Variants in KIF5C observed in about 807,000 individuals in gnomAD.
The protein encoded by KIF5C is kinesin heavy chain isoform 5C.
A neutral mutation model predicts 125.2 loss-of-function variants in KIF5C; 18 were observed. The observed-to-expected ratio is 0.14, with a 90% CI of 0.10 to 0.21. The LOEUF (loss-of-function observed/expected upper bound fraction) is 0.21, where lower values mean the gene tolerates loss of function less well. Among genes scored for constraint, KIF5C ranks in the 10% least tolerant of loss-of-function variants. KIF5C has a pLI of 1.00. For missense variants in KIF5C, 780 were observed against 1,183.8 expected, an observed-to-expected ratio of 0.66 and a Z score of 5.01; for synonymous variants, 405 against 434.0, an observed-to-expected ratio of 0.93 and a Z score of 0.83.
chr2:148,902,309 C>T (rs568551488), intron 1 of KIF5C, among the ~76,000 whole-genome samples: 33 of 151,834 alleles, frequency 2.2e-4, no homozygotes, highest in Non-Finnish European at 3.7e-4. Context: ...ACAGCTTCTT[C>T]GTGCCAGAAA....
At position 148,998,700 on chromosome 2, in the gene KIF5C, G is replaced by A. The variant is rs960303001; in HGVS notation, c.2210+191G>A. ...CCGATCTGGAGCTGAGCCTCCTGGA[G>A]CCCTGGCATGGCAGGTGGCAGGCGG... On this transcript the variant is annotated intron_variant, in intron 19 of 25. Coordinates refer to ENST00000435030, the MANE Select transcript of KIF5C (RefSeq NM_004522.3). The A allele has an allele frequency of 7.6e-5, 73 of 954,852 alleles. No homozygotes were observed. The South Asian group carries it at 8.1e-4, about 11-fold the overall frequency. The allele number at this position is 954,852 out of a possible 1,614,324, so 59.1% of individuals were successfully genotyped here. A position where few individuals can be genotyped will look rare whatever the true frequency, so the allele number is the denominator to read the frequency against.
At position 148,983,664 on chromosome 2, in the gene KIF5C, G is replaced by C. The variant is rs536220608; in HGVS notation, c.1614G>C (p.Glu538Asp). Residue 538 changes from glutamate (E) to aspartate (D), a missense_variant, in exon 15 of 26, where the codon GAG becomes GAC. Coordinates refer to ENST00000435030, the MANE Select transcript of KIF5C (RefSeq NM_004522.3). The stretch of plus-strand genomic sequence containing the variant: ...AGAGAGAGCTGAGCCAGCTACAAGA[G>C]CTTAGCAACCACCAGAAGAAAAGGG... The part of the protein sequence containing the change: ...TTQRELSQLQ[E>D]LSNHQKKRAT... 1.6e-5 allele frequency: 25 copies of C among 1,609,260 alleles called. 1 individual carries two copies. The South Asian group carries it at 2.4e-4, about 16-fold the overall frequency.
intron 1 of KIF5C, 77 bp from the exon 2 acceptor site, chr2:148,922,060 A>C (rs1574747069): frequency 2.1e-6 from 2 of 942,600 alleles, no homozygotes; most frequent in South Asian, 1.6e-5. Context: ...CCTAGCTACT[A>C]ATGTTTGCGA....
chr2:148,960,204 G>A (rs918163704), intron 10 of KIF5C, among the ~76,000 whole-genome samples: 1 of 152,196 alleles, frequency 6.6e-6, no homozygotes, highest in African/African-American at 2.4e-5. Context: ...CACAAAATAT[G>A]CCTCTGGCTA....
intron 11 of KIF5C, among the ~76,000 whole-genome samples, chr2:148,968,767 GA>G (rs1438897870): frequency 2.1e-5 from 3 of 143,830 alleles, no homozygotes; most frequent in African/African-American, 8.6e-5. Flanking sequence ...ATAAAAGAAT[GA>G]TTTTTTTTTT....
intron 11 of KIF5C, among the ~76,000 whole-genome samples, chr2:148,965,361 T>C (rs1683025065): frequency 6.6e-6 from 1 of 152,044 alleles, no homozygotes; most frequent in South Asian, 2.1e-4. Context: ...AGCAACCCCA[T>C]TGCCACGTCA....
chr2:148,925,374 C>A (rs888874961), intron 2 of KIF5C, among the ~76,000 whole-genome samples: 5 of 152,070 alleles, frequency 3.3e-5, no homozygotes, highest in Non-Finnish European at 5.9e-5. Context: ...ATTATCAGAT[C>A]TGTTTTGTTA....
chr2:148,959,354 CT>C (rs925223165), intron 10 of KIF5C, among the ~76,000 whole-genome samples: 2 of 149,066 alleles, frequency 1.3e-5, no homozygotes, highest in South Asian at 2.1e-4. Flanking sequence ...CCTTGCTATT[CT>C]TTTTTTTTTC....
intron 2 of KIF5C, among the ~76,000 whole-genome samples, chr2:148,926,088 C>T (rs926090648): frequency 6.6e-6 from 1 of 152,210 alleles, no homozygotes; most frequent in African/African-American, 2.4e-5. Context: ...CCCATGCCTC[C>T]GTAGGACTAC....
chr2:148,998,356 G>A, intron 18 of KIF5C, 44 bp from the exon 19 acceptor site: 1 of 1,551,724 alleles, frequency 6.4e-7, no homozygotes, highest in Non-Finnish European at 8.7e-7. Flanking sequence ...AGTGGGCTGA[G>A]TGCCAACGAG....
chr2:148,900,024 C>T (rs1288401319), intron 1 of KIF5C, among the ~76,000 whole-genome samples: 1 of 152,178 alleles, frequency 6.6e-6, no homozygotes, highest in Non-Finnish European at 1.5e-5. Flanking sequence ...TGGTAGCTGC[C>T]CCAGAGTCGG....
intron 1 of KIF5C, among the ~76,000 whole-genome samples, chr2:148,901,561 A>G (rs948693391): frequency 6.6e-6 from 1 of 152,260 alleles, no homozygotes; most frequent in Non-Finnish European, 1.5e-5. Flanking sequence ...AGAAAGCAAT[A>G]TGGAAACCGA....
In KIF5C at chr2:148,946,973, A is replaced by G; in HGVS notation, c.664A>G (p.Lys222Glu). Residue 222 changes from lysine (K) to glutamate (E), a missense_variant, in exon 8 of 26, where the codon AAA becomes GAA. Physicochemically the swap from Lys to Glu is moderately conservative, Grantham distance 56. Around this residue, in one of 2 missense-constraint regions of KIF5C, gnomAD observed 207 missense variants for 441.2 expected, o/e 0.47. Coordinates refer to ENST00000435030, the MANE Select transcript of KIF5C (RefSeq NM_004522.3). ...TAAACAAGAGAATGTAGAGACTGAA[A>G]AAAAACTCAGTGGGAAACTTTATTT... ...NIKQENVETE[K>E]KLSGKLYLVD... 6.2e-7 allele frequency: 1 copy of G among 1,613,544 alleles called. No homozygotes were observed. The highest frequency in any genetic ancestry group is 8.5e-7 in the Non-Finnish European group (1 of 1,179,750).
chr2:148,967,978 T>G (rs1680792682), intron 11 of KIF5C, among the ~76,000 whole-genome samples: 1 of 152,120 alleles, frequency 6.6e-6, no homozygotes. Context: ...CGGGGTGAAG[T>G]CTGGATGCAT....
intron 1 of KIF5C, among the ~76,000 whole-genome samples, chr2:148,893,426 G>A (rs992756482): frequency 2.0e-5 from 3 of 152,214 alleles, no homozygotes; most frequent in African/African-American, 7.2e-5. Flanking sequence ...CTTGATGACT[G>A]TACTTCACTT....
At chr2:148,908,683 A>G (rs780397260) in intron 1 of KIF5C, among the ~76,000 whole-genome samples, 1 of 152,210 alleles carries the variant, frequency 6.6e-6, no homozygotes, top group East Asian at 1.9e-4. Context: ...ACCTGCTTTT[A>G]GCAGCCAGTA....
intron 18 of KIF5C, 142 bp from the exon 19 acceptor site, chr2:148,998,258 A>G: frequency 1.4e-6 from 2 of 1,386,728 alleles, no homozygotes; most frequent in East Asian, 5.1e-5. Context: ...TCCTGGGGGC[A>G]AAACAGCCAG....
At chr2:149,018,194 T>C (rs1682426045) in intron 25 of KIF5C, among the ~76,000 whole-genome samples, 1 of 152,156 alleles carries the variant, frequency 6.6e-6, no homozygotes, top group South Asian at 2.1e-4. Context: ...AAGGGTGAGC[T>C]GGGAGGATCA....
chr2:148,889,792 C>T (rs1469135811), intron 1 of KIF5C, among the ~76,000 whole-genome samples: 7 of 152,176 alleles, frequency 4.6e-5, no homozygotes, highest in Non-Finnish European at 8.8e-5. Flanking sequence ...TGGAAGAGCT[C>T]AGCCACCAGG....
Sources: gnomAD v4.1 joint callset for allele counts (sites outside exome capture counted in the v4.1 genomes callset) on GRCh38, gnomAD v4.1.1 for gene constraint, gnomAD v4.1.1 regional missense constraint, MANE v1.5 for transcripts, NCBI Gene and HGNC (gene_info 2026-07-23, HGNC 2026-07-21) for gene names.